The following DDX4 variants were observed in gnomAD, a reference collection of about 807,000 sequenced individuals.
DDX4 encodes probable ATP-dependent RNA helicase DDX4.
Under a neutral mutation model 100.0 loss-of-function variants are expected in DDX4, and 25 were observed. The ratio of observed to expected loss-of-function variants is 0.25; its 90% CI spans 0.18 to 0.35. The LOEUF (loss-of-function observed/expected upper bound fraction) is 0.35, where lower values mean the gene tolerates loss of function less well. DDX4 is among the 10% of genes least tolerant of loss of function. The pLI is 1.00. For missense variants in DDX4, 635 were observed against 882.4 expected (o/e 0.72, Z 3.55); for synonymous variants, 259 against 275.7 (o/e 0.94, Z 0.60).
intron 3 of DDX4, among the ~76,000 whole-genome samples, chr5:55,756,155 C>A (rs1161372174): frequency 6.6e-6 from 1 of 152,048 alleles, no homozygotes; most frequent in Non-Finnish European, 1.5e-5. Context: ...GAGTGGTTCT[C>A]TTAAGAATGT....
Position 55,815,453 on chromosome 5 carries a change from T to C in DDX4, c.2097+30T>C, listed in dbSNP as rs116558087. ...GTAGAAAGGAAAACTTGAGAACTTG[T>C]CTTCTAGTTACTCTTTGTAAATGTT... On this transcript the variant is annotated intron_variant, in intron 21 of 21. Coordinates refer to ENST00000505374, the MANE Select transcript of DDX4 (RefSeq NM_024415.3). 3.5e-4 allele frequency: 558 copies of C among 1,593,172 alleles called. No homozygotes were observed. In the African/African-American group the frequency reaches 6.4e-3, roughly 18 times the overall value.
At position 55,814,767 on chromosome 5, in the gene DDX4, G is replaced by C. The variant is rs1448573865; in HGVS notation, c.1716-134G>C. The C allele has an allele frequency of 4.5e-5, 41 of 910,702 alleles. No individual in the cohort carries two copies. In the South Asian group the frequency reaches 5.8e-4, roughly 13 times the overall value. The allele number at this position is 910,702 out of a possible 1,614,324, so 56.4% of individuals were successfully genotyped here. ...AGCCTCCCAAAGTGCTGGGGTTACAGGTGTGAGCCACTGCGCCCAGCCAAA... is the reference window on the plus strand; with the variant it reads ...AGCCTCCCAAAGTGCTGGGGTTACACGTGTGAGCCACTGCGCCCAGCCAAA... On this transcript the variant is annotated intron_variant, in intron 19 of 21. Transcript: ENST00000505374.
In DDX4 at chr5:55,785,430, A is replaced by G. The variant is rs772207237; in HGVS notation, c.674-17A>G. 3.7e-6 allele frequency: 6 copies of G among 1,605,398 alleles called. No individual in the cohort carries two copies. Among genetic ancestry groups the G allele is most frequent in the Non-Finnish European group, 4.3e-6 (5 of 1,174,742 alleles). ...TTTAAAAAACATGTATCTCTTTTTT[A>G]TTTGATCCTCTTCAAGATTCTTGGA... is the stretch of plus-strand genomic sequence containing the variant. On this transcript the variant is annotated splice_polypyrimidine_tract_variant and intron_variant, in intron 11 of 21. Coordinates refer to ENST00000505374, the MANE Select transcript of DDX4 (RefSeq NM_024415.3).
At chr5:55,773,492 G>GT (rs575400654) in intron 7 of DDX4, among the ~76,000 whole-genome samples, 139 of 152,154 alleles carry the variant, frequency 9.1e-4, no homozygotes, top group African/African-American at 2.9e-3. Flanking sequence ...TATAGTAGCT[G>GT]TACCATTTTA....
intron 7 of DDX4, among the ~76,000 whole-genome samples, chr5:55,778,906 G>A (rs1449649948): frequency 7.5e-6 from 1 of 133,814 alleles, no homozygotes; most frequent in Non-Finnish European, 1.6e-5. Context: ...AAAAAAAAAA[G>A]ATGTGGAAGA....
At chr5:55,788,482 T>C (rs925932824) in intron 15 of DDX4, among the ~76,000 whole-genome samples, 27 of 152,066 alleles carry the variant, frequency 1.8e-4, no homozygotes, top group African/African-American at 5.6e-4. Flanking sequence ...AAAATTTTAA[T>C]TTAAAAAACA....
intron 18 of DDX4, among the ~76,000 whole-genome samples, chr5:55,809,551 T>G (rs1743983367): frequency 6.6e-6 from 1 of 152,214 alleles, no homozygotes; most frequent in African/African-American, 2.4e-5. Flanking sequence ...GTAAATAGAT[T>G]TAGCAGTATA....
intron 3 of DDX4, among the ~76,000 whole-genome samples, chr5:55,758,769 A>G (rs983595919): frequency 7.5e-5 from 11 of 147,260 alleles, no homozygotes; most frequent in Admixed American, 3.5e-4. Flanking sequence ...CACCCCCATT[A>G]TTAGTCCTCT....
chr5:55,738,939 T>A lies in DDX4; in HGVS notation c.-14-11T>A. ...GAGTCCAAATGTGCATTTTTTTTTT[T>A]TTATGAATAGAACTTGAAGCCACCA... On this transcript the variant is annotated splice_polypyrimidine_tract_variant and intron_variant, in intron 1 of 21. Transcript: ENST00000505374. 6.7e-7 allele frequency: 1 copy of A among 1,491,648 alleles called. No homozygotes were observed. 92.4% of individuals were successfully genotyped at this position (1,491,648 alleles called of 1,614,324 possible).
intron 2 of DDX4, among the ~76,000 whole-genome samples, chr5:55,745,257 T>C (rs1018857451): frequency 3.3e-5 from 5 of 152,216 alleles, no homozygotes; most frequent in Non-Finnish European, 7.3e-5. Context: ...TAAAAATTTC[T>C]GTAGTACTTT....
At chr5:55,808,672 C>G (rs536841497) in intron 18 of DDX4, among the ~76,000 whole-genome samples, 1 of 152,322 alleles carries the variant, frequency 6.6e-6, no homozygotes, top group South Asian at 2.1e-4. Context: ...GATCGTTCCT[C>G]TGGAAGTTTT....
At chr5:55,766,091 A>C (rs1293952560) in intron 6 of DDX4, among the ~76,000 whole-genome samples, 8 of 151,464 alleles carry the variant, frequency 5.3e-5, no homozygotes, top group African/African-American at 1.9e-4. Flanking sequence ...TGCTAGGATT[A>C]CAGGCATGAG....
intron 19 of DDX4, 112 bp downstream of exon 19, chr5:55,813,884 C>A (rs1416781554): frequency 8.0e-7 from 1 of 1,243,154 alleles, no homozygotes; most frequent in Non-Finnish European, 1.1e-6. Flanking sequence ...ATTCAGAATT[C>A]TCTCAGATCT....
intron 3 of DDX4, among the ~76,000 whole-genome samples, chr5:55,758,656 A>C (rs776965640): frequency 8.6e-5 from 13 of 151,856 alleles, no homozygotes; most frequent in Non-Finnish European, 1.9e-4. Context: ...TACTAGCATA[A>C]AGTTGTTCAG....
chr5:55,788,452 G>T (rs1180797606), intron 15 of DDX4, among the ~76,000 whole-genome samples: 1 of 152,128 alleles, frequency 6.6e-6, no homozygotes, highest in Non-Finnish European at 1.5e-5. Context: ...CTCAGAGCGA[G>T]ACCCTGTCTC....
chr5:55,795,122 C>T (rs188511897), intron 17 of DDX4, among the ~76,000 whole-genome samples: 10 of 152,124 alleles, frequency 6.6e-5, no homozygotes, highest in South Asian at 2.1e-4. Flanking sequence ...TGTACCACCA[C>T]GTCCGGCTAA....
chr5:55,750,730 G>A (rs1334749395), intron 3 of DDX4, among the ~76,000 whole-genome samples: 1 of 152,058 alleles, frequency 6.6e-6, no homozygotes, highest in Non-Finnish European at 1.5e-5. Context: ...CTCTGTGTAT[G>A]TTTTTAAACG....
intron 3 of DDX4, among the ~76,000 whole-genome samples, chr5:55,751,526 T>C (rs533851484): frequency 6.6e-6 from 1 of 152,350 alleles, no homozygotes; most frequent in South Asian, 2.1e-4. Flanking sequence ...TGAGCCACCA[T>C]GCCCAGCATC....
chr5:55,794,181 T>C (rs1030688801), intron 17 of DDX4, among the ~76,000 whole-genome samples: 1 of 146,342 alleles, frequency 6.8e-6, no homozygotes, highest in Non-Finnish European at 1.5e-5. Flanking sequence ...AGTATTTTCT[T>C]TCTTTTTTTT....
Sources: gnomAD v4.1 joint callset for allele counts (sites outside exome capture counted in the v4.1 genomes callset) on GRCh38, gnomAD v4.1.1 for gene constraint, MANE v1.5 for transcripts, NCBI Gene and HGNC (gene_info 2026-07-23, HGNC 2026-07-21) for gene names.